EFR3B: variants seen among roughly 807,000 people sequenced by gnomAD.
EFR3B encodes the protein EFR3 homolog B, also known as protein EFR3 homolog B.
A neutral mutation model predicts 104.7 loss-of-function variants in EFR3B; 64 were observed. The ratio of observed to expected loss-of-function variants is 0.61; its 90% confidence interval spans 0.50 to 0.75. EFR3B has a LOEUF of 0.75. Among genes scored for constraint, EFR3B ranks in the 30% least tolerant of loss-of-function variants. The probability of loss-of-function intolerance (pLI) is 0.00; values close to 1 mark genes in which losing one functional copy is unlikely to be tolerated. For synonymous variants in EFR3B, 385 were observed against 417.9 expected, an observed-to-expected ratio of 0.92 and a Z score of 0.96; for missense variants, 750 against 1,078.5, an observed-to-expected ratio of 0.70 and a Z score of 4.27.
intron 1 of EFR3B, among the ~76,000 whole-genome samples, chr2:25,077,908 G>T (rs905474911): frequency 1.3e-5 from 2 of 152,154 alleles, no homozygotes; most frequent in African/African-American, 4.8e-5. Flanking sequence ...CCATTGGAGG[G>T]TTGTTGATTT....
At chr2:25,133,579 G>C in intron 12 of EFR3B, 145 bp downstream of exon 12, 1 of 912,690 alleles carries the variant, frequency 1.1e-6, no homozygotes, top group South Asian at 1.5e-5. Context: ...CTGAAATCTA[G>C]CCTACGTTCC....
Position 25,042,172 on chromosome 2 carries a change from C to G in EFR3B, c.-141C>G. The G allele has an allele frequency of 1.2e-6, 1 of 816,116 alleles. No individual in the cohort carries two copies. The highest frequency in any genetic ancestry group is 1.6e-6 in the Non-Finnish European group (1 of 620,414). 50.6% of individuals were successfully genotyped at this position (816,116 alleles called of 1,614,324 possible). On this transcript the variant is annotated 5_prime_UTR_variant, in exon 1 of 23. Coordinates refer to ENST00000403714, the MANE Select transcript of EFR3B (RefSeq NM_014971.2). The surrounding 1 kb of genome is among the most constrained non-coding windows in gnomAD (Gnocchi z 5.4). ...CCGTCCTGCCCGCGGCCGGCCCCCG[C>G]GTCTGCTCCCTCCCCGCCCGGGCCC...
chr2:25,054,928 A>G (rs973783918), intron 1 of EFR3B, among the ~76,000 whole-genome samples: 1 of 152,232 alleles, frequency 6.6e-6, no homozygotes, highest in Non-Finnish European at 1.5e-5. Flanking sequence ...AGATAAGAAC[A>G]TCTCTTAAGC....
At position 25,131,239 on chromosome 2, in the gene EFR3B, C is replaced by G; in HGVS notation, c.850-129C>G. 7.8e-7 allele frequency: 1 copy of G among 1,279,804 alleles called. No homozygotes were observed. Among genetic ancestry groups the G allele is most frequent in the Non-Finnish European group, 1.1e-6 (1 of 946,894 alleles). 79.3% of individuals were successfully genotyped at this position (1,279,804 alleles called of 1,614,324 possible). On this transcript the variant is annotated intron_variant, in intron 8 of 22. Transcript: ENST00000403714. This position sits in a 1 kb window ranked among gnomAD's most constrained non-coding sequence, Gnocchi z 7.6. ...AGTAAAGGGCACGAGGTGTCAGTGCCAACTGCAGTGCCCGGGGCCTTGGAA... is the reference window on the plus strand; with the variant it reads ...AGTAAAGGGCACGAGGTGTCAGTGCGAACTGCAGTGCCCGGGGCCTTGGAA...
At chr2:25,143,480 GAA>G (rs1670731209) in intron 17 of EFR3B, among the ~76,000 whole-genome samples, 1 of 152,024 alleles carries the variant, frequency 6.6e-6, no homozygotes, top group African/African-American at 2.4e-5. Flanking sequence ...CCAACATGAT[GAA>G]ACTCCGTCTC....
At chr2:25,057,412 C>CA (rs70947862) in intron 1 of EFR3B, among the ~76,000 whole-genome samples, 22,151 of 142,616 alleles carry the variant, frequency 0.16, 1,778 homozygotes, top group South Asian at 0.28. Flanking sequence ...GCATGGCTAA[C>CA]AAAAAAAAAA....
At chr2:25,068,815 G>A (rs879340260) in intron 1 of EFR3B, among the ~76,000 whole-genome samples, 5 of 151,776 alleles carry the variant, frequency 3.3e-5, no homozygotes, top group Non-Finnish European at 7.4e-5. Context: ...GTTTTTAGTA[G>A]CGATGGGGTT....
chr2:25,097,145 A>C (rs1669303788), intron 3 of EFR3B, among the ~76,000 whole-genome samples: 1 of 152,192 alleles, frequency 6.6e-6, no homozygotes, highest in South Asian at 2.1e-4. Flanking sequence ...CTAGAGTCAG[A>C]AGAGCCACTT....
chr2:25,134,354 G>A (rs113991275), intron 12 of EFR3B, among the ~76,000 whole-genome samples: 3,091 of 152,084 alleles, frequency 0.02, 101 homozygotes, highest in African/African-American at 0.071. Context: ...ATTTTTAGTA[G>A]AGACGGTGTT....
chr2:25,133,737 C>T (rs1670446145), intron 12 of EFR3B, among the ~76,000 whole-genome samples: 1 of 152,164 alleles, frequency 6.6e-6, no homozygotes, highest in Non-Finnish European at 1.5e-5. Flanking sequence ...CTGTTGGTTC[C>T]CGCCCTGGTT....
chr2:25,144,111 T>C (rs1670752297), intron 18 of EFR3B, among the ~76,000 whole-genome samples: 1 of 152,176 alleles, frequency 6.6e-6, no homozygotes, highest in Admixed American at 6.5e-5. Flanking sequence ...GAGGTTCCAT[T>C]GTGCTGGAAA....
intron 4 of EFR3B, among the ~76,000 whole-genome samples, chr2:25,113,696 A>G (rs866746821): frequency 6.6e-6 from 1 of 151,976 alleles, no homozygotes; most frequent in Non-Finnish European, 1.5e-5. Context: ...AAGAAAAGAA[A>G]AAAAAAGAAA....
At chr2:25,129,518 C>G (rs943231717) in intron 6 of EFR3B, among the ~76,000 whole-genome samples, 4 of 152,162 alleles carry the variant, frequency 2.6e-5, no homozygotes, top group African/African-American at 4.8e-5. Flanking sequence ...ATCATTGACT[C>G]TTGCCTGAGC....
chr2:25,149,745 A>C lies in EFR3B; in HGVS notation c.2191+3A>C. 6.4e-7 allele frequency: 1 copy of C among 1,551,484 alleles called. No homozygotes were observed. The highest frequency in any genetic ancestry group is 8.7e-7 in the Non-Finnish European group (1 of 1,146,812). On this transcript the variant is annotated splice_donor_region_variant and intron_variant, in intron 20 of 22. Transcript: ENST00000403714. ...TGAGACACTGAAGAAAGCCATTGGT[A>C]AGTCAGGGCAAAGGGACTCTGGTTA...
intron 5 of EFR3B, among the ~76,000 whole-genome samples, chr2:25,123,428 C>A (rs1670076461): frequency 6.6e-6 from 1 of 152,132 alleles, no homozygotes; most frequent in South Asian, 2.1e-4. Context: ...AGTAGACCGA[C>A]TCCTGGGCAG....
chr2:25,106,763 T>C (rs2149193239), intron 4 of EFR3B, among the ~76,000 whole-genome samples: 1 of 152,196 alleles, frequency 6.6e-6, no homozygotes, highest in East Asian at 1.9e-4. Flanking sequence ...TTTGTATTTT[T>C]GGTAGAGACA....
intron 4 of EFR3B, among the ~76,000 whole-genome samples, chr2:25,119,295 C>T (rs1669951143): frequency 1.3e-5 from 2 of 152,208 alleles, no homozygotes; most frequent in South Asian, 2.1e-4. Context: ...GCTAGATCTG[C>T]ATTTAGAACC....
At chr2:25,103,616 G>A (rs369391330) in intron 3 of EFR3B, 21 bp from the exon 4 acceptor site, 19 of 1,543,222 alleles carry the variant, frequency 1.2e-5, no homozygotes, top group African/African-American at 1.1e-4. Context: ...GGCCAGTGAC[G>A]GCATGTGCTG....
chr2:25,153,421 T>C (rs1671067993), intron 21 of EFR3B, among the ~76,000 whole-genome samples: 1 of 152,074 alleles, frequency 6.6e-6, no homozygotes, highest in South Asian at 2.1e-4. Context: ...CAGCAGCCCC[T>C]ACTGCCCCAT....
Sources: gnomAD v4.1 joint callset for allele counts (sites outside exome capture counted in the v4.1 genomes callset) on GRCh38, gnomAD v4.1.1 for gene constraint, Gnocchi (gnomAD v3.1) non-coding constraint, MANE v1.5 for transcripts, NCBI Gene and HGNC (gene_info 2026-07-23, HGNC 2026-07-21) for gene names.